The following SLC10A1 variants were observed in gnomAD, a reference collection of about 807,000 sequenced individuals.
SLC10A1 encodes solute carrier family 10 member 1.
In SLC10A1, 36 loss-of-function variants were observed where a neutral mutation model predicts 20.5. The observed-to-expected ratio is 1.75, with a 90% CI of 1.34 to 2.32. The LOEUF is 2.32. Ranked by LOEUF, SLC10A1 falls within the 30% of genes most tolerant of loss-of-function variation. The pLI is 0.00. For missense variants in SLC10A1, 545 were observed against 439.1 expected, an observed-to-expected ratio of 1.24 and a Z score of -2.16; for synonymous variants, 188 against 163.6, an observed-to-expected ratio of 1.15 and a Z score of -1.14.
At chr14:69,784,496 A>C (rs1232228500) in intron 2 of SLC10A1, among the ~76,000 whole-genome samples, 1 of 152,058 alleles carries the variant, frequency 6.6e-6, no homozygotes, top group Non-Finnish European at 1.5e-5. Context: ...GGGAAATGGA[A>C]GGTGTTTGAG....
At chr14:69,792,898 TA>T (rs1882308375) in intron 1 of SLC10A1, among the ~76,000 whole-genome samples, 1 of 150,850 alleles carries the variant, frequency 6.6e-6, no homozygotes, top group Admixed American at 6.6e-5. Context: ...CGTACAAAAT[TA>T]AAAGACGTAA....
At chr14:69,788,548 T>C (rs1043974301) in intron 1 of SLC10A1, among the ~76,000 whole-genome samples, 3 of 123,548 alleles carry the variant, frequency 2.4e-5, no homozygotes, top group African/African-American at 8.7e-5. Context: ...TGAAGAACTC[T>C]TTTTTTTTTT....
At chr14:69,793,109 T>TAGGGAAAAGCC (rs1882312000) in intron 1 of SLC10A1, among the ~76,000 whole-genome samples, 1 of 152,176 alleles carries the variant, frequency 6.6e-6, no homozygotes, top group Non-Finnish European at 1.5e-5. Context: ...ACTTGTGTGT[T>TAGGGAAAAGCC]TGTTCTGGTG....
chr14:69,778,326 T>A lies in SLC10A1; in HGVS notation c.943+7A>T. On this transcript the variant is annotated splice_region_variant and intron_variant, in intron 4 of 4. Transcript: ENST00000216540. ...GAACTTGAAGTGGGGATAATTTCAGTACTCACCCTTGGGAGTCTTGAATTT... is the reference window on the plus strand; with the variant it reads ...GAACTTGAAGTGGGGATAATTTCAGAACTCACCCTTGGGAGTCTTGAATTT... 4 of 1,585,442 alleles carry A rather than the reference T, an allele frequency of 2.5e-6. No homozygotes were observed. Among genetic ancestry groups the A allele is most frequent in the Non-Finnish European group, 3.4e-6 (4 of 1,166,428 alleles).
chr14:69,793,405 G>A (rs1031194951), intron 1 of SLC10A1, among the ~76,000 whole-genome samples: 2 of 152,038 alleles, frequency 1.3e-5, no homozygotes, highest in Admixed American at 1.3e-4. Flanking sequence ...CTTTCAGGGG[G>A]AAAGGGGCAC....
intron 1 of SLC10A1, among the ~76,000 whole-genome samples, chr14:69,786,695 C>T (rs1883724160): frequency 6.6e-6 from 1 of 152,312 alleles, no homozygotes; most frequent in African/African-American, 2.4e-5. Flanking sequence ...TGTGTGATTC[C>T]ATTACTCTGG....
At chr14:69,792,833 CAAA>C (rs4646288) in intron 1 of SLC10A1, among the ~76,000 whole-genome samples, 69 of 122,204 alleles carry the variant, frequency 5.6e-4, no homozygotes, top group African/African-American at 1.4e-3. Flanking sequence ...GCCTATTTCT[CAAA>C]AAAAAAAAAA....
At chr14:69,795,667 C>A (rs1882374110) in intron 1 of SLC10A1, among the ~76,000 whole-genome samples, 1 of 152,110 alleles carries the variant, frequency 6.6e-6, no homozygotes, top group Admixed American at 6.5e-5. Flanking sequence ...CCTGCCTTGG[C>A]CTCCCAAAGT....
At chr14:69,780,392 T>C (rs890000346) in intron 2 of SLC10A1, among the ~76,000 whole-genome samples, 3 of 143,568 alleles carry the variant, frequency 2.1e-5, no homozygotes, top group Admixed American at 7.0e-5. Context: ...TACTTAACTT[T>C]TCTCAAACTT....
chr14:69,782,671 G>T (rs1883620988), intron 2 of SLC10A1, among the ~76,000 whole-genome samples: 1 of 152,174 alleles, frequency 6.6e-6, no homozygotes, highest in Non-Finnish European at 1.5e-5. Flanking sequence ...ATCCGGGTAT[G>T]GTGGCGGGCG....
chr14:69,779,787 C>G (rs1295888797), intron 2 of SLC10A1, among the ~76,000 whole-genome samples: 2 of 152,176 alleles, frequency 1.3e-5, no homozygotes, highest in Admixed American at 6.5e-5. Context: ...AGCAGACTTT[C>G]AGTGAAGTGT....
At chr14:69,795,669 T>C (rs1176404083) in intron 1 of SLC10A1, among the ~76,000 whole-genome samples, 1 of 152,152 alleles carries the variant, frequency 6.6e-6, no homozygotes, top group Admixed American at 6.5e-5. Flanking sequence ...TGCCTTGGCC[T>C]CCCAAAGTGC....
At chr14:69,782,936 T>G (rs1883630142) in intron 2 of SLC10A1, among the ~76,000 whole-genome samples, 1 of 152,226 alleles carries the variant, frequency 6.6e-6, no homozygotes, top group Non-Finnish European at 1.5e-5. Flanking sequence ...TGACTTGGTA[T>G]TCTGTTTCCC....
chr14:69,791,231 A>T (rs1883830859), intron 1 of SLC10A1, among the ~76,000 whole-genome samples: 1 of 151,938 alleles, frequency 6.6e-6, no homozygotes, highest in South Asian at 2.1e-4. Flanking sequence ...CAGACTTATA[A>T]TTTTTTTTGT....
rs530495479 is a variant in SLC10A1, at chr14:69,778,583, C to CT, written c.747-55dup. The CT allele has an allele frequency of 1.2e-3, 1,811 of 1,471,214 alleles. 22 individuals are homozygous for CT. The South Asian group carries it at 0.016, about 13-fold the overall frequency. 91.1% of individuals were successfully genotyped at this position (1,471,214 alleles called of 1,614,324 possible). The stretch of plus-strand genomic sequence containing the variant: ...ACTCAGAGGGAACTGGAGGGAGCAA[C>CT]TTTGTCCCAGTGCTGCTACCAAAGA... On this transcript the variant is annotated intron_variant, in intron 3 of 4. Coordinates refer to ENST00000216540, the MANE Select transcript of SLC10A1 (RefSeq NM_003049.4).
In SLC10A1 at chr14:69,786,324, G is replaced by A; in HGVS notation, c.357-17C>T. 6.2e-7 allele frequency: 1 copy of A among 1,606,248 alleles called. No individual in the cohort carries two copies. Among genetic ancestry groups the A allele is most frequent in the South Asian group, 1.1e-5 (1 of 90,900 alleles). On this transcript the variant is annotated splice_polypyrimidine_tract_variant and intron_variant, in intron 1 of 4. Transcript: ENST00000216540. ...ATCACAATGCTGGTGGGAGACATGG[G>A]AAGAGGGGAGAGAGAGAGAGCCCAT... is the stretch of plus-strand genomic sequence containing the variant.
intron 4 of SLC10A1, among the ~76,000 whole-genome samples, chr14:69,776,646 G>A (rs1232393477): frequency 2.6e-5 from 4 of 152,062 alleles, no homozygotes; most frequent in Non-Finnish European, 2.9e-5. Flanking sequence ...TTCTAACTTC[G>A]TTATACAGTA....
intron 1 of SLC10A1, among the ~76,000 whole-genome samples, chr14:69,794,656 T>C (rs559074092): frequency 1.8e-4 from 28 of 152,382 alleles, no homozygotes; most frequent in African/African-American, 6.5e-4. Flanking sequence ...TGAAGGTAGA[T>C]GACCAGATTC....
At chr14:69,789,022 TTATATC>T (rs1444838311) in intron 1 of SLC10A1, among the ~76,000 whole-genome samples, 1 of 152,202 alleles carries the variant, frequency 6.6e-6, no homozygotes, top group Non-Finnish European at 1.5e-5. Flanking sequence ...AGATACCACT[TTATATC>T]TACTAGCATG....
Sources: allele counts gnomAD v4.1 joint callset (sites outside exome capture counted in the v4.1 genomes callset), GRCh38; gene constraint gnomAD v4.1.1; transcripts MANE v1.5; gene names NCBI Gene and HGNC (gene_info 2026-07-23, HGNC 2026-07-21).